The following FAM240C variants were observed in gnomAD, a reference collection of about 807,000 sequenced individuals.
The protein encoded by FAM240C is family with sequence similarity 240 member C, also known as protein FAM240C.
FAM240C carries 14 observed loss-of-function variants against 10.0 expected under a neutral mutation model. That is an observed-to-expected ratio of 1.40 (90% CI 0.92 to 2.19). The LOEUF (loss-of-function observed/expected upper bound fraction) is 2.19. FAM240C is among the 30% of genes most tolerant of loss of function. The pLI is 0.00. For missense variants in FAM240C, 154 were observed against 122.3 expected (o/e 1.26, Z -1.22); for synonymous variants, 49 against 44.3 (o/e 1.11, Z -0.42).
chr2:241,895,298 C>T (rs934575948), intron 2 of FAM240C, among the ~76,000 whole-genome samples: 6 of 152,264 alleles, frequency 3.9e-5, no homozygotes, highest in African/African-American at 1.4e-4. Context: ...CTGCCACGGT[C>T]CCACAGACTT....
At chr2:241,896,713 TGGGGGTGTGTGTGTTGGGGTGTGGGTGAA>T (rs1701825984) in intron 2 of FAM240C, among the ~76,000 whole-genome samples, 6 of 1,192 alleles carry the variant, frequency 5.0e-3, no homozygotes, top group East Asian at 0.028. Flanking sequence ...GTGTGGGTGT[TGGGGGTGTGTGTGTTGGGGTGTGGGTGAA>T]GGGGTGTGGG....
At position 241,897,289 on chromosome 2, in the gene FAM240C, A is replaced by T. The variant is rs1265363255; in HGVS notation, c.58T>A (p.Tyr20Asn). 6.5e-7 allele frequency: 1 copy of T among 1,549,656 alleles called. No individual in the cohort carries two copies. Among genetic ancestry groups the T allele is most frequent in the Non-Finnish European group, 8.7e-7 (1 of 1,146,512 alleles). Residue 20 changes from tyrosine (Y) to asparagine (N), a missense_variant, in exon 2 of 3, where the codon TAC becomes AAC. Tyr to Asn is a moderately radical substitution (Grantham distance 143). Transcript: ENST00000404031. ...AACATCTTTATCCCGCCTGAATCGT[A>T]TGCTACTCTTCCAGGATTCTTAAGA... ...LTLKNPGRVA[Y>N]DSGGIKMFWE...
At position 241,900,053 on chromosome 2, in the gene FAM240C, C is replaced by T. The variant is rs573376828; in HGVS notation, c.12+305G>A. Reference sequence around the variant, plus strand: ...CTGCACTCCAGCCTGGGCGACAGAGCGAGACTCCATCTCATAAACAACAAC... The same window carrying T: ...CTGCACTCCAGCCTGGGCGACAGAGTGAGACTCCATCTCATAAACAACAAC... On this transcript the variant is annotated intron_variant, in intron 1 of 2. Transcript: ENST00000404031. This position sits in a 1 kb window ranked among gnomAD's most constrained non-coding sequence, Gnocchi z 4.5. Among the ~76,000 whole-genome samples, 3 of 152,162 alleles carry T rather than the reference C, an allele frequency of 2.0e-5. No homozygotes were observed. The highest frequency in any genetic ancestry group is 2.9e-5 in the Non-Finnish European group (2 of 68,010).
Position 241,897,221 on chromosome 2 carries a change from G to T in FAM240C, c.126C>A (p.Asn42Lys), listed in dbSNP as rs78233573. Reference protein sequence around the residue: ...KIEHHARHLQNEDIRVRRSAL... With the variant: ...KIEHHARHLQKEDIRVRRSAL... ...CGCTTCTGCGAACCCTGATGTCCTC[G>T]TTCTGCAGGTGTCTTGCGTGATGCT... is the stretch of plus-strand genomic sequence containing the variant. The change falls in exon 2 of 3, where the codon AAC becomes AAA. Residue 42 changes from asparagine to lysine, a missense_variant. Transcript: ENST00000404031. The T allele has an allele frequency of 4.1e-5, 64 of 1,549,968 alleles. No homozygotes were observed. The Middle Eastern group carries it at 8.3e-4, about 20-fold the overall frequency.
At position 241,900,385 on chromosome 2, in the gene FAM240C, A is replaced by G; in HGVS notation, c.-16T>C. On this transcript the variant is annotated 5_prime_UTR_variant, in exon 1 of 3. Transcript: ENST00000404031. The surrounding 1 kb of genome is among the most constrained non-coding windows in gnomAD (Gnocchi z 4.5). ...TTCCAACCATTTCTCAGTGACGGGCAGGTTTTCCTGTCTCTGTTGAGGGTC... is the reference window on the plus strand; with the variant it reads ...TTCCAACCATTTCTCAGTGACGGGCGGGTTTTCCTGTCTCTGTTGAGGGTC... 1.4e-6 allele frequency: 1 copy of G among 717,262 alleles called. No homozygotes were observed. Among genetic ancestry groups the G allele is most frequent in the Non-Finnish European group, 2.6e-6 (1 of 385,052 alleles). 44.4% of individuals were successfully genotyped at this position (717,262 alleles called of 1,614,324 possible).
chr2:241,899,320 A>G (rs1343897979), intron 1 of FAM240C: 1 of 985,310 alleles, frequency 1.0e-6, no homozygotes, highest in Non-Finnish European at 1.2e-6. Context: ...AGGGCCACAG[A>G]AATCGCCCAT....
At chr2:241,899,200 T>C (rs1049070274) in intron 1 of FAM240C, 10 of 1,303,900 alleles carry the variant, frequency 7.7e-6, no homozygotes, top group Middle Eastern at 2.1e-4. Flanking sequence ...TTCGAGGAGC[T>C]TGATGTGACC....
intron 2 of FAM240C, among the ~76,000 whole-genome samples, chr2:241,896,894 G>T (rs898002382): frequency 6.6e-6 from 1 of 151,490 alleles, no homozygotes; most frequent in Non-Finnish European, 1.5e-5. Flanking sequence ...GTGGGCATTG[G>T]GGTGTGGTGT....
At chr2:241,895,663 G>A (rs1701777947) in intron 2 of FAM240C, among the ~76,000 whole-genome samples, 2 of 152,208 alleles carry the variant, frequency 1.3e-5, no homozygotes, top group Admixed American at 1.3e-4. Context: ...ACCGGGCTGT[G>A]TGGGTGGATG....
In FAM240C at chr2:241,900,384, C is replaced by T; in HGVS notation, c.-15G>A. On this transcript the variant is annotated 5_prime_UTR_variant, in exon 1 of 3. Transcript: ENST00000404031. This position sits in a 1 kb window ranked among gnomAD's most constrained non-coding sequence, Gnocchi z 4.5. The stretch of plus-strand genomic sequence containing the variant: ...TTTCCAACCATTTCTCAGTGACGGG[C>T]AGGTTTTCCTGTCTCTGTTGAGGGT... 1.4e-6 allele frequency: 1 copy of T among 717,240 alleles called. No homozygotes were observed. Among genetic ancestry groups the T allele is most frequent in the South Asian group, 1.5e-5 (1 of 67,586 alleles). The allele number at this position is 717,240 out of a possible 1,614,324, so 44.4% of individuals were successfully genotyped here. A position where few individuals can be genotyped will look rare whatever the true frequency, so the allele number is the denominator to read the frequency against.
In FAM240C at chr2:241,894,007, A is replaced by G. The variant is rs1019969636; in HGVS notation, c.*206T>C. 3.6e-5 allele frequency: 17 copies of G among 471,736 alleles called. No individual in the cohort carries two copies. The highest frequency in any genetic ancestry group is 5.6e-5 in the Non-Finnish European group (15 of 270,158). The allele number at this position is 471,736 out of a possible 1,614,324, so 29.2% of individuals were successfully genotyped here. On this transcript the variant is annotated 3_prime_UTR_variant, in exon 3 of 3. Coordinates refer to ENST00000404031, the MANE Select transcript of FAM240C (RefSeq NM_001382368.1). ...ATTCAATCCAATTGACTTAGGTTTT[A>G]TTGGGCACCAGAGATGCGCTAGAGA...
At chr2:241,901,999 A>G (rs919437285), upstream of FAM240C, among the ~76,000 whole-genome samples, 91 of 152,194 alleles carry the variant, frequency 6.0e-4, no homozygotes, top group African/African-American at 2.1e-3. The surrounding 1 kb of genome is among the most constrained non-coding windows in gnomAD (Gnocchi z 4.9). Context: ...GCCGTGCCTG[A>G]TGGAGCAGCA....
At chr2:241,901,553 G>C (rs1187469011), upstream of FAM240C, among the ~76,000 whole-genome samples, 1 of 152,084 alleles carries the variant, frequency 6.6e-6, no homozygotes, top group East Asian at 1.9e-4. The surrounding 1 kb of genome is among the most constrained non-coding windows in gnomAD (Gnocchi z 4.9). Flanking sequence ...GAGTCCTGGC[G>C]TGTGCTCAGG....
At chr2:241,894,561 A>C (rs28463046) in intron 2 of FAM240C, among the ~76,000 whole-genome samples, 34,500 of 83,730 alleles carry the variant, frequency 0.41, 6,094 homozygotes, top group East Asian at 0.71. Context: ...CAGGCTGCTG[A>C]CCAGTGGTTG....
intron 2 of FAM240C, among the ~76,000 whole-genome samples, chr2:241,895,513 G>A (rs563553142): frequency 8.5e-5 from 13 of 152,356 alleles, no homozygotes; most frequent in Non-Finnish European, 1.6e-4. Flanking sequence ...GGGTGGGCCT[G>A]GCCCTTGGGC....
At chr2:241,894,403 C>T (rs1701737162) in intron 2 of FAM240C, 64 bp from the exon 3 acceptor site, 7 of 1,497,644 alleles carry the variant, frequency 4.7e-6, no homozygotes, top group Non-Finnish European at 6.3e-6. Flanking sequence ...ACGGCCAAGC[C>T]CGTGTCTCTC....
intron 2 of FAM240C, among the ~76,000 whole-genome samples, chr2:241,896,915 G>A (rs777865805): frequency 8.6e-5 from 13 of 151,706 alleles, no homozygotes; most frequent in Non-Finnish European, 1.6e-4. Flanking sequence ...TGCCTGGATA[G>A]TGATGTTTGA....
upstream of FAM240C, chr2:241,900,545 G>A: frequency 1.7e-6 from 1 of 605,832 alleles, no homozygotes; most frequent in South Asian, 2.0e-5. This position sits in a 1 kb window ranked among gnomAD's most constrained non-coding sequence, Gnocchi z 4.5. Context: ...CACCGTCCCT[G>A]GCAGAGCTGT....
At chr2:241,894,752 G>A (rs531305728) in intron 2 of FAM240C, among the ~76,000 whole-genome samples, 3 of 152,288 alleles carry the variant, frequency 2.0e-5, no homozygotes, top group South Asian at 2.1e-4. Context: ...AGGTGCCCTC[G>A]CAGGACAGGG....
Sources: gnomAD v4.1 joint callset for allele counts (sites outside exome capture counted in the v4.1 genomes callset) on GRCh38, gnomAD v4.1.1 for gene constraint, Gnocchi (gnomAD v3.1) non-coding constraint, MANE v1.5 for transcripts, NCBI Gene and HGNC (gene_info 2026-07-23, HGNC 2026-07-21) for gene names.